PCNT: variants seen among roughly 807,000 people sequenced by gnomAD.
PCNT encodes pericentrin.
In PCNT, 319 loss-of-function variants were observed where a neutral mutation model predicts 380.4. That is an observed-to-expected ratio of 0.84 (90% CI 0.77 to 0.92). The LOEUF is 0.92. Ranked by LOEUF, PCNT falls within the 40% of genes least tolerant of loss-of-function variation. The pLI is 0.00. For missense variants in PCNT, 4,400 were observed against 4,255.3 expected, an observed-to-expected ratio of 1.03 and a Z score of -0.95; for synonymous variants, 1,845 against 1,735.2, an observed-to-expected ratio of 1.06 and a Z score of -1.57.
rs1415230950 is a variant in PCNT, at chr21:46,425,927, G to A, written c.7276G>A (p.Glu2426Lys). ...PSGEPHPPRKEDEIQDISLHG... is the reference protein window; with the variant it reads ...PSGEPHPPRKKDEIQDISLHG... ...CGGCGAGCCACACCCACCCCGGAAG[G>A]AAGACGAGATACAGGACATCTCGCT... Residue 2426 changes from glutamate to lysine, a missense_variant, in exon 33 of 47, where the codon GAA (glutamate) becomes AAA (lysine). By Grantham distance (56) the Glu-to-Lys change is moderately conservative (BLOSUM62 1). Coordinates refer to ENST00000359568, the MANE Select transcript of PCNT (RefSeq NM_006031.6). This position sits in a 1 kb window ranked among gnomAD's most constrained non-coding sequence, Gnocchi z 4.2. 1 of 1,614,132 alleles carries A rather than the reference G, an allele frequency of 6.2e-7. No homozygotes were observed.
chr21:46,361,319 A>G (rs1376354844), intron 13 of PCNT, among the ~76,000 whole-genome samples: 5 of 152,228 alleles, frequency 3.3e-5, no homozygotes, highest in Non-Finnish European at 7.3e-5. Context: ...TGAAACCAGG[A>G]AGCAGAGGTT....
At chr21:46,365,734 T>C (rs964396999) in intron 14 of PCNT, among the ~76,000 whole-genome samples, 4 of 146,698 alleles carry the variant, frequency 2.7e-5, no homozygotes, top group Admixed American at 1.4e-4. Context: ...GGGGTTCTAT[T>C]CACTGCCGTG....
chr21:46,411,406 C>G lies in PCNT; in HGVS notation c.5333C>G (p.Ser1778Cys), dbSNP rs919976196. 3 of 1,613,524 alleles carry G rather than the reference C, an allele frequency of 1.9e-6. No individual in the cohort carries two copies. The highest frequency in any genetic ancestry group is 2.7e-5 in the African/African-American group (2 of 75,070). ...AGTCTGCAGAGCGAGCTGCTCTGCT[C>G]CCAGGCCGGGGGCCCTCGTGGGCAG... ...AGSLQSELLC[S>C]QAGGPRGQAL... Residue 1778 changes from serine (S) to cysteine (C), a missense_variant, in exon 28 of 47, where the codon TCC becomes TGC. By Grantham distance (112) the Ser-to-Cys change is moderately radical (BLOSUM62 -1). Coordinates refer to ENST00000359568, the MANE Select transcript of PCNT (RefSeq NM_006031.6).
chr21:46,445,351 G>A lies in PCNT; in HGVS notation c.*24G>A, dbSNP rs780682489. 6.4e-7 allele frequency: 1 copy of A among 1,567,268 alleles called. No individual in the cohort carries two copies. Among genetic ancestry groups the A allele is most frequent in the Non-Finnish European group, 8.8e-7 (1 of 1,137,156 alleles). On this transcript the variant is annotated 3_prime_UTR_variant, in exon 47 of 47. Coordinates refer to ENST00000359568, the MANE Select transcript of PCNT (RefSeq NM_006031.6). ...GAATAAAATGTCATGGCTCTTTCCT[G>A]CGACAATTCTATTTGAGGAAAAGAT...
In PCNT at chr21:46,435,928, C is replaced by T. The variant is rs184570263; in HGVS notation, c.8776C>T (p.Arg2926Cys). ...GCGAGAATTAGAACTGCAGCGTCAG[C>T]GTGACTTGCATAAGATCAAGCAGCT... ...KLRELELQRQ[R>C]DLHKIKQLQQ... The change falls in exon 39 of 47, where the codon CGT becomes TGT. Residue 2926 changes from arginine (R) to cysteine (C), a missense_variant. Transcript: ENST00000359568. 19 of 1,614,158 alleles carry T rather than the reference C, an allele frequency of 1.2e-5. 1 individual carries two copies. In the East Asian group the frequency reaches 2.7e-4, roughly 23 times the overall value.
In PCNT at chr21:46,388,242, G is replaced by T. The variant is rs1309833473; in HGVS notation, c.3465-500G>T. Among the ~76,000 whole-genome samples the T allele has an allele frequency of 2.6e-5, 4 of 151,432 alleles. No individual in the cohort carries two copies. Among genetic ancestry groups the T allele is most frequent in the African/African-American group, 7.3e-5 (3 of 41,266 alleles). On this transcript the variant is annotated intron_variant, in intron 17 of 46. Coordinates refer to ENST00000359568, the MANE Select transcript of PCNT (RefSeq NM_006031.6). This position sits in a 1 kb window ranked among gnomAD's most constrained non-coding sequence, Gnocchi z 4.2. Reference sequence around the variant, plus strand: ...AAAAAAGACAGAAGCATCCCAGACCGCACGTCCACGAGGCCTAGCGAGAGG... The same window carrying T: ...AAAAAAGACAGAAGCATCCCAGACCTCACGTCCACGAGGCCTAGCGAGAGG...
At chr21:46,433,012 T>C (rs1230766739) in intron 38 of PCNT, among the ~76,000 whole-genome samples, 1 of 152,050 alleles carries the variant, frequency 6.6e-6, no homozygotes, top group African/African-American at 2.4e-5. Context: ...TTTACTTATT[T>C]ATTTTTTGAG....
chr21:46,400,067 A>G (rs965515812), intron 25 of PCNT, among the ~76,000 whole-genome samples: 4 of 152,326 alleles, frequency 2.6e-5, no homozygotes, highest in Admixed American at 2.6e-4. Flanking sequence ...TATCCTTAAT[A>G]TTTCATAAAG....
chr21:46,331,647 TC>T (rs1198802543), intron 2 of PCNT, among the ~76,000 whole-genome samples: 1 of 151,954 alleles, frequency 6.6e-6, no homozygotes, highest in African/African-American at 2.4e-5. Flanking sequence ...ACACGTGTAG[TC>T]CCAGTTACTC....
chr21:46,388,225 C>T lies in PCNT; in HGVS notation c.3465-517C>T, dbSNP rs1289912978. 2.0e-5 allele frequency among the ~76,000 whole-genome samples: 3 copies of T among 151,460 alleles called. No individual in the cohort carries two copies. Among genetic ancestry groups the T allele is most frequent in the Admixed American group, 6.6e-5 (1 of 15,220 alleles). ...ACTCCATCTCAAAAAAAAAAAAAGACAGAAGCATCCCAGACCGCACGTCCA... is the reference window on the plus strand; with the variant it reads ...ACTCCATCTCAAAAAAAAAAAAAGATAGAAGCATCCCAGACCGCACGTCCA... On this transcript the variant is annotated intron_variant, in intron 17 of 46. Transcript: ENST00000359568. This position sits in a 1 kb window ranked among gnomAD's most constrained non-coding sequence, Gnocchi z 4.2.
chr21:46,324,564 G>T (rs1218460667), intron 1 of PCNT, among the ~76,000 whole-genome samples: 1 of 99,034 alleles, frequency 1.0e-5, no homozygotes, highest in South Asian at 2.7e-4. Flanking sequence ...CGCCTGCGTC[G>T]GGGGGGGTGG....
intron 29 of PCNT, among the ~76,000 whole-genome samples, chr21:46,413,202 A>C (rs4819248): frequency 0.022 from 1,009 of 46,626 alleles, 8 homozygotes; most frequent in Middle Eastern, 0.033. Context: ...CACGAGGCCC[A>C]CCCGGGAGAG....
chr21:46,353,460 A>C, intron 10 of PCNT, 134 bp downstream of exon 10: 4 of 800,322 alleles, frequency 5.0e-6, no homozygotes, highest in Non-Finnish European at 8.5e-6. Context: ...TTTATGGTCC[A>C]GATTTAAAAG....
In PCNT at chr21:46,357,001, T is replaced by G. The variant is rs766374295; in HGVS notation, c.1964T>G (p.Val655Gly). 1 of 1,614,184 alleles carries G rather than the reference T, an allele frequency of 6.2e-7. No homozygotes were observed. Among genetic ancestry groups the G allele is most frequent in the Non-Finnish European group, 8.5e-7 (1 of 1,180,018 alleles). ...CTTCCCTGGGTGCATCTCCAGGGTG[T>G]GCAGGACGGGGACTTGGAGGCCGAC... ...QELPWVHLQG[V>G]QDGDLEADTE... Residue 655 changes from valine to glycine, a missense_variant, in exon 13 of 47, where the codon GTG becomes GGG. Transcript: ENST00000359568.
chr21:46,353,925 AATGGCGCACAC>A, intron 10 of PCNT, 51 bp from the exon 11 acceptor site: 3 of 1,408,392 alleles, frequency 2.1e-6, no homozygotes, highest in Admixed American at 1.8e-5. Context: ...CTGGGGAGGG[AATGGCGCACAC>A]ATGGAAAAGG....
intron 29 of PCNT, 125 bp from the exon 30 acceptor site, chr21:46,415,944 C>A: frequency 1.2e-6 from 1 of 829,550 alleles, no homozygotes; most frequent in Non-Finnish European, 2.0e-6. Context: ...TTGAAATGTG[C>A]AGGGCTCATT....
At chr21:46,442,812 G>A (rs1436852191) in intron 44 of PCNT, 1 of 585,682 alleles carries the variant, frequency 1.7e-6, no homozygotes, top group Non-Finnish European at 3.0e-6. Flanking sequence ...GAAACACTGA[G>A]ATGCTCAATA....
chr21:46,377,822 G>T (rs1303251899), intron 15 of PCNT, among the ~76,000 whole-genome samples: 3 of 152,252 alleles, frequency 2.0e-5, no homozygotes, highest in Non-Finnish European at 4.4e-5. Context: ...ACTCCAGGCT[G>T]CATGACAGCA....
rs975105417 is a variant in PCNT, at chr21:46,355,327, G to C, written c.1762-125G>C. The C allele has an allele frequency of 3.4e-5, 34 of 992,234 alleles. No homozygotes were observed. The African/African-American group carries it at 4.4e-4, about 13-fold the overall frequency. The allele number at this position is 992,234 out of a possible 1,614,324, so 61.5% of individuals were successfully genotyped here. A position where few individuals can be genotyped will look rare whatever the true frequency, so the allele number is the denominator to read the frequency against. ...CGGGGTTCACCAGGGCGCAGCGTGT[G>C]GTCTCATGAACCTAGTGAGGTTTGA... On this transcript the variant is annotated intron_variant, in intron 11 of 46. Transcript: ENST00000359568.
Sources: gnomAD v4.1 joint callset for allele counts (sites outside exome capture counted in the v4.1 genomes callset) on GRCh38, gnomAD v4.1.1 for gene constraint, Gnocchi (gnomAD v3.1) non-coding constraint, MANE v1.5 for transcripts, NCBI Gene and HGNC (gene_info 2026-07-23, HGNC 2026-07-21) for gene names.